RAVER2: variants seen among roughly 807,000 people sequenced by gnomAD.
RAVER2 encodes the protein ribonucleoprotein, PTB binding 2.
A neutral mutation model predicts 78.1 loss-of-function variants in RAVER2; 46 were observed. That is an observed-to-expected ratio of 0.59 (90% CI 0.46 to 0.75). The LOEUF is 0.75. RAVER2 is among the 30% of genes least tolerant of loss of function. The pLI, the probability that RAVER2 is intolerant of heterozygous loss-of-function variation, is 0.00. For synonymous variants in RAVER2, 311 were observed against 313.3 expected (o/e 0.99, Z 0.08); for missense variants, 793 against 837.5 (o/e 0.95, Z 0.66).
intron 2 of RAVER2, among the ~76,000 whole-genome samples, chr1:64,770,730 T>C (rs1215033236): frequency 6.6e-6 from 1 of 151,904 alleles, no homozygotes; most frequent in Non-Finnish European, 1.5e-5. Context: ...ACATGGTAAA[T>C]AGAGACTTGG....
At chr1:64,753,324 G>A (rs564873570) in intron 1 of RAVER2, among the ~76,000 whole-genome samples, 1 of 151,796 alleles carries the variant, frequency 6.6e-6, no homozygotes, top group African/African-American at 2.4e-5. Context: ...CAAACTGTTG[G>A]GATTATAGGT....
In RAVER2 at chr1:64,763,956, C is replaced by CACA. The variant is rs1570534772; in HGVS notation, c.250-4700_250-4699insACA. ...CACACACACACACACACACACACAC[C>CACA]CCTACCATGTAATTTAGCAATTCTA... is the stretch of plus-strand genomic sequence containing the variant. On this transcript the variant is annotated intron_variant, in intron 1 of 11. Coordinates refer to ENST00000294428, the Ensembl canonical transcript of RAVER2. Among the ~76,000 whole-genome samples, 55 of 105,332 alleles carry CACA rather than the reference C, an allele frequency of 5.2e-4. 1 individual carries two copies. In the East Asian group the frequency reaches 0.02, roughly 38 times the overall value. The allele number at this position is 105,332 out of a possible 152,430, so 69.1% of individuals were successfully genotyped here.
chr1:64,770,852 T>C (rs1035549760), intron 2 of RAVER2, among the ~76,000 whole-genome samples: 6 of 151,748 alleles, frequency 4.0e-5, no homozygotes, highest in African/African-American at 1.5e-4. Context: ...AAAAAATTAG[T>C]GAACTTGAAA....
At chr1:64,818,396 CGTG>C (rs1653804381) in intron 11 of RAVER2, among the ~76,000 whole-genome samples, 1 of 151,934 alleles carries the variant, frequency 6.6e-6, no homozygotes, top group Non-Finnish European at 1.5e-5. Flanking sequence ...ATTAGCCGGG[CGTG>C]GTGGTGGGCG....
intron 11 of RAVER2, among the ~76,000 whole-genome samples, chr1:64,817,393 C>A (rs1362738956): frequency 2.0e-5 from 3 of 152,152 alleles, no homozygotes; most frequent in Non-Finnish European, 2.9e-5. Flanking sequence ...CCCAGCCATC[C>A]CATTACTGGG....
Position 64,827,789 on chromosome 1 carries a change from A to T in RAVER2, c.1930-3050A>T, listed in dbSNP as rs189348617. Among the ~76,000 whole-genome samples, 3 of 152,334 alleles carry T rather than the reference A, an allele frequency of 2.0e-5. No individual in the cohort carries two copies. The South Asian group carries it at 6.2e-4, about 32-fold the overall frequency. ...CAAGTATCTAATAGGGACAAGTTCA[A>T]TAGCCTCCTGGTGAGACTTAATAAT... On this transcript the variant is annotated intron_variant, in intron 11 of 11. Transcript: ENST00000294428.
intron 1 of RAVER2, among the ~76,000 whole-genome samples, chr1:64,756,977 A>G (rs1434169450): frequency 1.3e-5 from 2 of 152,246 alleles, no homozygotes; most frequent in Non-Finnish European, 2.9e-5. Context: ...CAGGGGGTAC[A>G]TGACATTAAC....
chr1:64,805,226 A>T, intron 8 of RAVER2, 121 bp downstream of exon 8: 1 of 902,780 alleles, frequency 1.1e-6, no homozygotes, highest in Non-Finnish European at 1.7e-6. Flanking sequence ...TTAGTCATTT[A>T]AAATTTTGAG....
chr1:64,746,740 AAT>A (rs1651549059), intron 1 of RAVER2, among the ~76,000 whole-genome samples: 1 of 152,260 alleles, frequency 6.6e-6, no homozygotes, highest in African/African-American at 2.4e-5. Flanking sequence ...TCTGTCAGGT[AAT>A]GTTTTGTGAT....
rs571894186 is a variant in RAVER2, at chr1:64,794,100, T to G, written c.1105+4586T>G. Among the ~76,000 whole-genome samples, 22 of 152,262 alleles carry G rather than the reference T, an allele frequency of 1.4e-4. No individual in the cohort carries two copies. In the South Asian group the frequency reaches 4.3e-3, roughly 30 times the overall value. ...ATGGCTGAGTCATATGGTAGATATATGTTTAAGTGGTAAGAAACTGCCCAG... is the reference window on the plus strand; with the variant it reads ...ATGGCTGAGTCATATGGTAGATATAGGTTTAAGTGGTAAGAAACTGCCCAG... On this transcript the variant is annotated intron_variant, in intron 5 of 11. Coordinates refer to ENST00000294428, the Ensembl canonical transcript of RAVER2.
At chr1:64,807,105 T>G in intron 8 of RAVER2, 101 bp from the exon 9 acceptor site, 1 of 1,338,724 alleles carries the variant, frequency 7.5e-7, no homozygotes, top group Non-Finnish European at 1.0e-6. Flanking sequence ...GGTACAAAAT[T>G]GGTTTCTCTG....
intron 5 of RAVER2, among the ~76,000 whole-genome samples, chr1:64,802,062 AG>A (rs1344674937): frequency 6.6e-6 from 1 of 152,212 alleles, no homozygotes; most frequent in Non-Finnish European, 1.5e-5. Context: ...TAGACCATAT[AG>A]GGTAACTTTC....
chr1:64,827,505 A>G (rs1176511218), intron 11 of RAVER2, among the ~76,000 whole-genome samples: 2 of 152,216 alleles, frequency 1.3e-5, no homozygotes, highest in Non-Finnish European at 2.9e-5. Flanking sequence ...AGCCAACCCT[A>G]AAAAAGACCC....
chr1:64,818,559 G>C (rs562248298), intron 11 of RAVER2, among the ~76,000 whole-genome samples: 2 of 152,052 alleles, frequency 1.3e-5, no homozygotes, highest in Non-Finnish European at 2.9e-5. Context: ...AACAAAACTG[G>C]ACTAAATATG....
intron 1 of RAVER2, among the ~76,000 whole-genome samples, chr1:64,765,587 T>C (rs1232402545): frequency 6.6e-6 from 1 of 152,184 alleles, no homozygotes; most frequent in Non-Finnish European, 1.5e-5. Flanking sequence ...GCCACATGCC[T>C]ACATACAGAT....
intron 1 of RAVER2, among the ~76,000 whole-genome samples, chr1:64,761,177 G>A (rs555897824): frequency 6.6e-6 from 1 of 152,216 alleles, no homozygotes; most frequent in Non-Finnish European, 1.5e-5. Context: ...TTTATTTTAG[G>A]CCAAGTCAAA....
chr1:64,770,083 G>A (rs1190525754), intron 2 of RAVER2, among the ~76,000 whole-genome samples: 1 of 151,856 alleles, frequency 6.6e-6, no homozygotes, highest in Non-Finnish European at 1.5e-5. Flanking sequence ...TTACTGACTG[G>A]CATTCAGGAA....
chr1:64,768,744 T>C, intron 2 of RAVER2, 22 bp downstream of exon 2: 1 of 1,403,620 alleles, frequency 7.1e-7, no homozygotes, highest in Non-Finnish European at 1.0e-6. Context: ...ATTCTAAGTG[T>C]CTAATTTCAT....
chr1:64,804,254 G>A (rs891866931), intron 6 of RAVER2, among the ~76,000 whole-genome samples: 12 of 152,024 alleles, frequency 7.9e-5, no homozygotes, highest in African/African-American at 2.9e-4. Flanking sequence ...TCCACTATTT[G>A]TTCTTATAGC....
Sources: allele counts gnomAD v4.1 joint callset (sites outside exome capture counted in the v4.1 genomes callset), GRCh38; gene constraint gnomAD v4.1.1; transcripts MANE v1.5; gene names NCBI Gene and HGNC (gene_info 2026-07-23, HGNC 2026-07-21).